The following DDX31 variants were observed in gnomAD, a reference collection of about 807,000 sequenced individuals.
The protein encoded by DDX31 is DEAD-box helicase 31.
DDX31 carries 70 observed loss-of-function variants against 91.3 expected under a neutral mutation model. The observed-to-expected ratio is 0.77, with a 90% confidence interval of 0.63 to 0.94. DDX31 has a LOEUF of 0.94. Ranked by LOEUF, DDX31 falls within the 40% of genes least tolerant of loss-of-function variation. DDX31 has a pLI of 0.00. For missense variants in DDX31, 902 were observed against 925.0 expected, an observed-to-expected ratio of 0.98 and a Z score of 0.32; for synonymous variants, 362 against 350.6, an observed-to-expected ratio of 1.03 and a Z score of -0.36.
intron 19 of DDX31, among the ~76,000 whole-genome samples, chr9:132,607,059 G>C (rs1380531415): frequency 1.3e-5 from 2 of 152,232 alleles, no homozygotes; most frequent in Non-Finnish European, 2.9e-5. Context: ...GGGGCGACTG[G>C]TGTGTATGAT....
chr9:132,665,392 G>C (rs1835241499), intron 1 of DDX31, among the ~76,000 whole-genome samples: 1 of 152,118 alleles, frequency 6.6e-6, no homozygotes, highest in Admixed American at 6.5e-5. Flanking sequence ...TAGCAGAGGA[G>C]ACAAAAGTAT....
At chr9:132,647,194 G>T (rs1833896138) in intron 11 of DDX31, 136 bp from the exon 12 acceptor site, 4 of 726,342 alleles carry the variant, frequency 5.5e-6, no homozygotes, top group Admixed American at 4.5e-5. Context: ...CCAAGTCCCA[G>T]CACTGATCCG....
intron 4 of DDX31, 108 bp downstream of exon 4, chr9:132,661,100 C>G (rs1285116859): frequency 1.1e-6 from 1 of 914,852 alleles, no homozygotes; most frequent in African/African-American, 1.7e-5. Context: ...TAACCTGGCA[C>G]TGTGTTCCAA....
Position 132,630,269 on chromosome 9 carries a change from T to C in DDX31, c.1626A>G (p.Lys542=). 6.4e-7 allele frequency: 1 copy of C among 1,574,636 alleles called. No homozygotes were observed. Among genetic ancestry groups the C allele is most frequent in the Non-Finnish European group, 8.7e-7 (1 of 1,149,674 alleles). ...AEYVNSLASH[K]INVSEIKMED... is the part of the protein sequence containing the mutation. ...CATTCAGGTTTCTGACTCACTTGAT[T>C]TTGTGAGAAGCCAACGAGTTGACAT... is the stretch of plus-strand genomic sequence containing the variant. Residue 542 remains lysine, a synonymous_variant, in exon 16 of 20, where the codon AAA becomes AAG. Coordinates refer to ENST00000372159, the MANE Select transcript of DDX31 (RefSeq NM_022779.9).
intron 19 of DDX31, among the ~76,000 whole-genome samples, chr9:132,606,983 C>T (rs1831065834): frequency 6.6e-6 from 1 of 152,186 alleles, no homozygotes; most frequent in Admixed American, 6.5e-5. Flanking sequence ...TGCAAAATTT[C>T]CAATTGGAAG....
intron 15 of DDX31, 92 bp from the exon 16 acceptor site, chr9:132,630,495 C>A: frequency 7.7e-7 from 1 of 1,292,878 alleles, no homozygotes; most frequent in Non-Finnish European, 1.0e-6. Flanking sequence ...CCAGGTATCC[C>A]AAGAATTAAA....
chr9:132,662,360 A>C, intron 2 of DDX31, 24 bp from the exon 3 acceptor site: 1 of 1,614,210 alleles, frequency 6.2e-7, no homozygotes, highest in Non-Finnish European at 8.5e-7. Flanking sequence ...ACAAGAACCC[A>C]GGCATCAGTG....
chr9:132,598,066 G>A (rs1229917220), intron 19 of DDX31, among the ~76,000 whole-genome samples: 1 of 152,052 alleles, frequency 6.6e-6, no homozygotes, highest in African/African-American at 2.4e-5. Context: ...CAGCAAGCAG[G>A]CAGAGGGTGG....
At chr9:132,627,072 T>C (rs1832441189) in intron 16 of DDX31, among the ~76,000 whole-genome samples, 1 of 152,122 alleles carries the variant, frequency 6.6e-6, no homozygotes, top group Non-Finnish European at 1.5e-5. Flanking sequence ...ATCTTTTTCT[T>C]GGTCTGATTT....
At chr9:132,635,464 T>TC (rs1489283196) in intron 14 of DDX31, among the ~76,000 whole-genome samples, 1 of 144,860 alleles carries the variant, frequency 6.9e-6, no homozygotes, top group South Asian at 2.4e-4. Context: ...GCTTTTTTTT[T>TC]TTTTTTTTTT....
chr9:132,652,382 T>C, intron 7 of DDX31, 66 bp downstream of exon 7: 3 of 1,602,164 alleles, frequency 1.9e-6, no homozygotes, highest in Non-Finnish European at 2.6e-6. Flanking sequence ...AAAACCACTT[T>C]TAAATTCAAC....
Position 132,594,872 on chromosome 9 carries a change from T to G in DDX31, c.2235A>C (p.Lys745Asn). Reference protein sequence around the residue: ...GVQRDSKTSQKV With the variant: ...GVQRDSKTSQNV ...TCGAAGACCCAGAGAGATTTTAAACTTTCTGGGAAGTCTTGCTGTCCCGCT... is the reference window on the plus strand; with the variant it reads ...TCGAAGACCCAGAGAGATTTTAAACGTTCTGGGAAGTCTTGCTGTCCCGCT... The change falls in exon 20 of 20, where the codon AAA (lysine) becomes AAC (asparagine). Residue 745 changes from lysine (K) to asparagine (N), a missense_variant. Physicochemically the swap from Lys to Asn is moderately conservative, Grantham distance 94 (BLOSUM62 0). Transcript: ENST00000372159. 6.2e-7 allele frequency: 1 copy of G among 1,613,150 alleles called. No individual in the cohort carries two copies. The highest frequency in any genetic ancestry group is 8.5e-7 in the Non-Finnish European group (1 of 1,179,752).
intron 16 of DDX31, among the ~76,000 whole-genome samples, chr9:132,629,915 A>G (rs1590027824): frequency 6.6e-6 from 1 of 152,364 alleles, no homozygotes; most frequent in Non-Finnish European, 1.5e-5. Flanking sequence ...TCAACTTTGA[A>G]GATACAAACC....
chr9:132,625,202 T>C (rs1220143706), intron 17 of DDX31, among the ~76,000 whole-genome samples: 1 of 152,176 alleles, frequency 6.6e-6, no homozygotes, highest in Admixed American at 6.5e-5. Flanking sequence ...ATCTCAACTT[T>C]ACTCTTCCTC....
At position 132,645,836 on chromosome 9, in the gene DDX31, C is replaced by T. The variant is rs567618080; in HGVS notation, c.1380+59G>A. ...AGACCAGGTTTGCCGGACTCAGGTT[C>T]GCCCCCATCTCCACGTGGGGCCGCA... On this transcript the variant is annotated intron_variant, in intron 13 of 19. Coordinates refer to ENST00000372159, the MANE Select transcript of DDX31 (RefSeq NM_022779.9). 95 of 1,536,356 alleles carry T rather than the reference C, an allele frequency of 6.2e-5. No individual in the cohort carries two copies. The African/African-American group carries it at 1.0e-3, about 16-fold the overall frequency.
intron 18 of DDX31, among the ~76,000 whole-genome samples, chr9:132,616,995 C>CG (rs1376841923): frequency 6.6e-6 from 1 of 152,218 alleles, no homozygotes; most frequent in Admixed American, 6.5e-5. Context: ...AGCTTTCACA[C>CG]TTGCCCCCGC....
In DDX31 at chr9:132,594,830, G is replaced by C; in HGVS notation, c.*36C>G. ...CTGGACATCAATCCACTGCCACCCG[G>C]GGCTTCCAGGTTCCACTCGAAGACC... is the stretch of plus-strand genomic sequence containing the variant. On this transcript the variant is annotated 3_prime_UTR_variant, in exon 20 of 20. Coordinates refer to ENST00000372159, the MANE Select transcript of DDX31 (RefSeq NM_022779.9). 4 of 1,604,634 alleles carry C rather than the reference G, an allele frequency of 2.5e-6. No homozygotes were observed. The highest frequency in any genetic ancestry group is 2.6e-6 in the Non-Finnish European group (3 of 1,174,448).
intron 18 of DDX31, 37 bp downstream of exon 18, chr9:132,618,293 G>T: frequency 6.4e-7 from 1 of 1,572,692 alleles, no homozygotes; most frequent in Non-Finnish European, 8.7e-7. Context: ...ACTCTGCTGG[G>T]CTATCCACTG....
intron 1 of DDX31, among the ~76,000 whole-genome samples, chr9:132,669,243 G>A (rs1313667324): frequency 9.1e-6 from 1 of 110,234 alleles, no homozygotes; most frequent in Admixed American, 9.4e-5. Flanking sequence ...AGATGCAAAT[G>A]TCCACCCCGC....
Sources: gnomAD v4.1 joint callset for allele counts (sites outside exome capture counted in the v4.1 genomes callset) on GRCh38, gnomAD v4.1.1 for gene constraint, MANE v1.5 for transcripts, NCBI Gene and HGNC (gene_info 2026-07-23, HGNC 2026-07-21) for gene names.